ARHGAP22: variants seen among roughly 807,000 people sequenced by gnomAD.
ARHGAP22 encodes Rho GTPase activating protein 22.
ARHGAP22 carries 48 observed loss-of-function variants against 59.1 expected under a neutral mutation model. That is an observed-to-expected ratio of 0.81 (90% CI 0.64 to 1.03). The LOEUF (loss-of-function observed/expected upper bound fraction) is 1.03. Ranked by LOEUF, ARHGAP22 falls within the 50% of genes least tolerant of loss-of-function variation. The pLI, the probability that ARHGAP22 is intolerant of heterozygous loss-of-function variation, is 0.00. For synonymous variants in ARHGAP22, 445 were observed against 416.4 expected (o/e 1.07, Z -0.84); for missense variants, 1,015 against 958.7 (o/e 1.06, Z -0.78).
intron 5 of ARHGAP22, 57 bp from the exon 6 acceptor site, chr10:48,455,191 G>A: frequency 6.5e-7 from 1 of 1,546,190 alleles, no homozygotes; most frequent in Non-Finnish European, 8.8e-7. Context: ...GACTTCAGGG[G>A]TGACTGGTAC....
At position 48,451,032 on chromosome 10, in the gene ARHGAP22, C is replaced by T; in HGVS notation, c.1097G>A (p.Cys366Tyr). Residue 366 changes from cysteine (C) to tyrosine (Y), a missense_variant, in exon 9 of 10, where the codon TGC becomes TAC. Physicochemically the swap from Cys to Tyr is radical, Grantham distance 194 (BLOSUM62 -2). Transcript: ENST00000249601. ...CTCCTCGGAGCCCCACCCCACTGCG[C>T]ATTGCAGGCCCCCGCGCGGGGAGGT... Reference protein sequence around the residue: ...GPTSPRGGLQCAVGWGSEEVT... With the variant: ...GPTSPRGGLQYAVGWGSEEVT... 1 of 1,553,708 alleles carries T rather than the reference C, an allele frequency of 6.4e-7. No individual in the cohort carries two copies. The highest frequency in any genetic ancestry group is 8.7e-7 in the Non-Finnish European group (1 of 1,148,782).
intron 9 of ARHGAP22, among the ~76,000 whole-genome samples, chr10:48,447,061 C>T (rs567209267): frequency 2.0e-4 from 31 of 152,208 alleles, no homozygotes; most frequent in Non-Finnish European, 3.4e-4. Flanking sequence ...TCCAGCCACA[C>T]GTGGTGACCC....
At chr10:48,431,249 CG>C in the ARHGAP22 span, 1 of 1,610,944 alleles carries the variant, frequency 6.2e-7, no homozygotes. Flanking sequence ...TGGAGTTATA[CG>C]GGGGCAGCCC....
intron 2 of ARHGAP22, among the ~76,000 whole-genome samples, chr10:48,559,590 T>G (rs555368198): frequency 1.3e-5 from 2 of 152,376 alleles, no homozygotes; most frequent in African/African-American, 2.4e-5. Context: ...CATTTCTGTA[T>G]GCTGTTCCCA....
At chr10:48,574,359 A>G (rs943603920) in intron 2 of ARHGAP22, among the ~76,000 whole-genome samples, 2 of 152,252 alleles carry the variant, frequency 1.3e-5, no homozygotes, top group African/African-American at 4.8e-5. Flanking sequence ...CCCCACCTGA[A>G]TGAGGTTTAT....
chr10:48,439,798 G>A, the ARHGAP22 span, among the ~76,000 whole-genome samples: 1 of 152,184 alleles, frequency 6.6e-6, no homozygotes, highest in African/African-American at 2.4e-5. Context: ...GGTCCCTGCA[G>A]TACCTTCCCA....
intron 3 of ARHGAP22, among the ~76,000 whole-genome samples, chr10:48,483,542 T>C: frequency 6.6e-6 from 1 of 151,826 alleles, no homozygotes; most frequent in Non-Finnish European, 1.5e-5. Flanking sequence ...ATAAGAGTTT[T>C]CTTTTTTCAG....
chr10:48,549,080 C>A (rs1249885195), intron 3 of ARHGAP22, among the ~76,000 whole-genome samples: 1 of 152,210 alleles, frequency 6.6e-6, no homozygotes, highest in Non-Finnish European at 1.5e-5. Context: ...CAGCTTCATT[C>A]CTTAGAAGGA....
chr10:48,568,950 G>A (rs1283086184), intron 2 of ARHGAP22, among the ~76,000 whole-genome samples: 3 of 152,212 alleles, frequency 2.0e-5, no homozygotes, highest in Non-Finnish European at 4.4e-5. Flanking sequence ...GAGCGCTGGT[G>A]CTGTCCTGTC....
chr10:48,650,944 T>C (rs2062536240), intron 1 of ARHGAP22, among the ~76,000 whole-genome samples: 1 of 152,200 alleles, frequency 6.6e-6, no homozygotes, highest in South Asian at 2.1e-4. Context: ...TCCTGGCTTC[T>C]AGCCCACTCC....
Position 48,598,338 on chromosome 10 carries a change from G to A in ARHGAP22, c.34+6425C>T, listed in dbSNP as rs538267234. On this transcript the variant is annotated intron_variant, in intron 1 of 9. Coordinates refer to ENST00000249601, the MANE Select transcript of ARHGAP22 (RefSeq NM_021226.4). ...CTCAGGCAGCAACAGATGGACTGGTGGCCTAAGGGCTGGGTGGAGGGTGGT... is the reference window on the plus strand; with the variant it reads ...CTCAGGCAGCAACAGATGGACTGGTAGCCTAAGGGCTGGGTGGAGGGTGGT... Among the ~76,000 whole-genome samples the A allele has an allele frequency of 1.2e-3, 178 of 152,290 alleles. No individual in the cohort carries two copies. In the East Asian group the frequency reaches 0.029, roughly 25 times the overall value.
chr10:48,583,098 G>A lies in ARHGAP22; in HGVS notation c.89C>T (p.Pro30Leu), dbSNP rs146683289. 147 of 1,614,254 alleles carry A rather than the reference G, an allele frequency of 9.1e-5. No individual in the cohort carries two copies. Among genetic ancestry groups the A allele is most frequent in the Middle Eastern group, 8.3e-4 (5 of 6,060 alleles). Reference sequence around the variant, plus strand: ...CACGGGGCCCAGCCTGTGAGGGCACGGCATCCGCCCAGGGCTCCGGCTCTG... The same window carrying A: ...CACGGGGCCCAGCCTGTGAGGGCACAGCATCCGCCCAGGGCTCCGGCTCTG... Reference protein sequence around the residue: ...GEQSRSPGRMPCPHRLGPVLK... With the variant: ...GEQSRSPGRMLCPHRLGPVLK... The change falls in exon 2 of 10, where the codon CCG becomes CTG. Residue 30 changes from proline (P) to leucine (L), a missense_variant. Coordinates refer to ENST00000249601, the MANE Select transcript of ARHGAP22 (RefSeq NM_021226.4).
chr10:48,486,111 T>C lies in ARHGAP22; in HGVS notation c.323-6347A>G, dbSNP rs1006730625. ...GCTTATTAGTAAAAATCTCACTCTC[T>C]TCATGCTGTAGGAATTGCTTTAGGG... On this transcript the variant is annotated intron_variant, in intron 3 of 9. Transcript: ENST00000249601. Among the ~76,000 whole-genome samples the C allele has an allele frequency of 5.9e-5, 9 of 152,168 alleles. No homozygotes were observed. In the South Asian group the frequency reaches 1.0e-3, roughly 18 times the overall value.
intron 3 of ARHGAP22, among the ~76,000 whole-genome samples, chr10:48,492,774 A>C (rs2050533261): frequency 1.3e-5 from 2 of 152,244 alleles, no homozygotes; most frequent in South Asian, 4.2e-4. Context: ...GGCTGGTCTC[A>C]AACTCCTCAC....
At position 48,594,001 on chromosome 10, in the gene ARHGAP22, A is replaced by G. The variant is rs548030079; in HGVS notation, c.34+10762T>C. 5.7e-4 allele frequency among the ~76,000 whole-genome samples: 87 copies of G among 152,362 alleles called. No individual in the cohort carries two copies. In the South Asian group the frequency reaches 0.017, roughly 30 times the overall value. On this transcript the variant is annotated intron_variant, in intron 1 of 9. Coordinates refer to ENST00000249601, the MANE Select transcript of ARHGAP22 (RefSeq NM_021226.4). ...TTTTTTATTATATAAATTACAATTAAAAGTTTTAAATGAAAGAGCTCTTTT... is the reference window on the plus strand; with the variant it reads ...TTTTTTATTATATAAATTACAATTAGAAGTTTTAAATGAAAGAGCTCTTTT...
chr10:48,558,619 G>A (rs2057476743), intron 2 of ARHGAP22, among the ~76,000 whole-genome samples: 4 of 152,068 alleles, frequency 2.6e-5, no homozygotes, highest in South Asian at 4.2e-4. Flanking sequence ...TTCTTGCCTC[G>A]GCCTCCCAAA....
At chr10:48,509,597 G>T (rs1268916470) in intron 3 of ARHGAP22, among the ~76,000 whole-genome samples, 5 of 152,194 alleles carry the variant, frequency 3.3e-5, no homozygotes, top group African/African-American at 1.2e-4. Context: ...AGGGCAGGAT[G>T]CTGGGTGACC....
chr10:48,475,235 T>C (rs2048601914), intron 4 of ARHGAP22, among the ~76,000 whole-genome samples: 1 of 152,192 alleles, frequency 6.6e-6, no homozygotes, highest in South Asian at 2.1e-4. Flanking sequence ...GTTCCTTCAC[T>C]TGGCTCAGGG....
At chr10:48,615,011 A>T (rs1386456823) in intron 1 of ARHGAP22, among the ~76,000 whole-genome samples, 1 of 152,230 alleles carries the variant, frequency 6.6e-6, no homozygotes. Context: ...GGTGGATAAT[A>T]GTTGGAGCAA....
Sources: gnomAD v4.1 joint callset for allele counts (sites outside exome capture counted in the v4.1 genomes callset) on GRCh38, gnomAD v4.1.1 for gene constraint, MANE v1.5 for transcripts, NCBI Gene and HGNC (gene_info 2026-07-23, HGNC 2026-07-21) for gene names.